ANO6: variants seen among roughly 807,000 people sequenced by gnomAD.
ANO6 encodes anoctamin 6.
In ANO6, 106 loss-of-function variants were observed where a neutral mutation model predicts 117.5. The observed-to-expected ratio is 0.90, with a 90% CI of 0.77 to 1.06. ANO6 has a LOEUF of 1.06. ANO6 is among the 50% of genes least tolerant of loss of function. ANO6 has a pLI of 0.00. For synonymous variants in ANO6, 367 were observed against 385.1 expected, an observed-to-expected ratio of 0.95 and a Z score of 0.55; for missense variants, 955 against 1,121.1, an observed-to-expected ratio of 0.85 and a Z score of 2.12.
chr12:45,391,338 TGTGA>T (rs1020545604), intron 12 of ANO6, among the ~76,000 whole-genome samples: 14 of 152,142 alleles, frequency 9.2e-5, no homozygotes, highest in African/African-American at 3.4e-4. Flanking sequence ...AATAATTTAG[TGTGA>T]GTTTTAATGG....
At chr12:45,248,839 C>T (rs1294234249) in intron 1 of ANO6, among the ~76,000 whole-genome samples, 1 of 152,196 alleles carries the variant, frequency 6.6e-6, no homozygotes, top group African/African-American at 2.4e-5. Flanking sequence ...TGTGGGTCCT[C>T]ACTTAGTGAG....
At chr12:45,227,595 A>G (rs1947504365) in intron 1 of ANO6, among the ~76,000 whole-genome samples, 1 of 150,792 alleles carries the variant, frequency 6.6e-6, no homozygotes, top group Admixed American at 6.6e-5. Context: ...TTACATTATC[A>G]CCCTCATAAT....
intron 3 of ANO6, among the ~76,000 whole-genome samples, chr12:45,345,713 G>C (rs940286625): frequency 6.6e-6 from 1 of 152,156 alleles, no homozygotes; most frequent in Non-Finnish European, 1.5e-5. Context: ...GGCATGGAGA[G>C]TTTAATTTTC....
chr12:45,378,271 A>G (rs905221846), intron 10 of ANO6, among the ~76,000 whole-genome samples, 158 bp downstream of exon 10: 1 of 152,030 alleles, frequency 6.6e-6, no homozygotes, highest in African/African-American at 2.4e-5. Context: ...GTTAACTTTT[A>G]CTATATTAAA....
intron 1 of ANO6, chr12:45,292,782 A>G (rs1258053271): frequency 1.4e-6 from 2 of 1,468,576 alleles, no homozygotes; most frequent in East Asian, 2.6e-5. Context: ...AATTGTGCTT[A>G]CTGAAACTCT....
chr12:45,343,450 G>A (rs987049883), intron 3 of ANO6, among the ~76,000 whole-genome samples: 7 of 152,246 alleles, frequency 4.6e-5, no homozygotes, highest in Non-Finnish European at 1.0e-4. Flanking sequence ...GTTGCCCTTT[G>A]TACAGCCTCA....
At chr12:45,302,157 A>G in intron 2 of ANO6, 64 bp downstream of exon 2, 7 of 1,460,574 alleles carry the variant, frequency 4.8e-6, no homozygotes, top group Non-Finnish European at 6.7e-6. Context: ...ACAAAATGAG[A>G]AAAAAGTTCT....
intron 9 of ANO6, among the ~76,000 whole-genome samples, chr12:45,371,046 G>A (rs879769045): frequency 4.6e-5 from 7 of 152,312 alleles, no homozygotes; most frequent in African/African-American, 1.7e-4. Context: ...TGCCTCACTC[G>A]GGAAGTGCAA....
intron 1 of ANO6, among the ~76,000 whole-genome samples, chr12:45,233,424 T>A (rs1947603181): frequency 6.6e-6 from 1 of 152,334 alleles, no homozygotes; most frequent in South Asian, 2.1e-4. Context: ...TGACTTATTT[T>A]TCTGTGTAGG....
At chr12:45,287,264 A>C (rs17095688) in intron 1 of ANO6, among the ~76,000 whole-genome samples, 2,641 of 152,282 alleles carry the variant, frequency 0.017, 56 homozygotes, top group East Asian at 0.085. Context: ...CCTAAGGCCG[A>C]GTGCGCAGTG....
intron 1 of ANO6, among the ~76,000 whole-genome samples, chr12:45,275,451 A>G (rs949360453): frequency 1.3e-5 from 2 of 152,048 alleles, no homozygotes; most frequent in Admixed American, 1.3e-4. Flanking sequence ...CTCATGATCC[A>G]CACGCCTCGA....
rs1482860568 is a variant in ANO6, at chr12:45,422,939, T to A, written c.2421-18T>A. On this transcript the variant is annotated intron_variant, in intron 18 of 19. Transcript: ENST00000320560. ...TCAAAAAGATTTGTCTCCCAATATG[T>A]CTCCATTTTGTTTTCAGGTATCGTG... The A allele has an allele frequency of 3.9e-6, 6 of 1,548,634 alleles. No individual in the cohort carries two copies. The highest frequency in any genetic ancestry group is 5.4e-6 in the Non-Finnish European group (6 of 1,120,550).
chr12:45,352,851 C>T (rs1254570368), intron 7 of ANO6, among the ~76,000 whole-genome samples: 1 of 152,140 alleles, frequency 6.6e-6, no homozygotes, highest in Non-Finnish European at 1.5e-5. Context: ...CAAGAGGTTG[C>T]AGTTAATACA....
At chr12:45,263,077 T>C (rs1022469168) in intron 1 of ANO6, among the ~76,000 whole-genome samples, 4 of 144,322 alleles carry the variant, frequency 2.8e-5, no homozygotes, top group Admixed American at 7.6e-5. Context: ...ATGCATCAGA[T>C]TTTTTTGCTG....
At chr12:45,422,869 C>G in intron 18 of ANO6, 88 bp from the exon 19 acceptor site, 1 of 1,039,616 alleles carries the variant, frequency 9.6e-7, no homozygotes, top group South Asian at 1.3e-5. Flanking sequence ...CCACTGCACC[C>G]GGCATGACCT....
chr12:45,345,049 T>G (rs1333375788), intron 3 of ANO6, among the ~76,000 whole-genome samples: 2 of 152,156 alleles, frequency 1.3e-5, no homozygotes, highest in Non-Finnish European at 2.9e-5. Context: ...TTTGCTTGTG[T>G]TTAGGGAAGT....
intron 1 of ANO6, among the ~76,000 whole-genome samples, chr12:45,284,770 T>C (rs1592916469): frequency 6.6e-6 from 1 of 152,328 alleles, no homozygotes; most frequent in Non-Finnish European, 1.5e-5. Context: ...AAATGATAGT[T>C]ATTATGTGTG....
At chr12:45,291,448 TTAAAAA>T (rs1741866708) in intron 1 of ANO6, among the ~76,000 whole-genome samples, 5 of 147,860 alleles carry the variant, frequency 3.4e-5, no homozygotes, top group Non-Finnish European at 7.5e-5. Context: ...AAAAAAAAAA[TTAAAAA>T]TAGATAACGG....
chr12:45,422,762 C>G (rs893339836), intron 18 of ANO6, among the ~76,000 whole-genome samples, 195 bp from the exon 19 acceptor site: 1 of 152,024 alleles, frequency 6.6e-6, no homozygotes, highest in Non-Finnish European at 1.5e-5. Context: ...TTAGTAGAGA[C>G]GGGGTTTTAC....
Sources: gnomAD v4.1 joint callset for allele counts (sites outside exome capture counted in the v4.1 genomes callset) on GRCh38, gnomAD v4.1.1 for gene constraint, MANE v1.5 for transcripts, NCBI Gene and HGNC (gene_info 2026-07-23, HGNC 2026-07-21) for gene names.